Variants in ZNF208 observed in about 807,000 individuals in gnomAD.
ZNF208 encodes zinc finger protein 95.
Under a neutral mutation model 12.1 loss-of-function variants are expected in ZNF208, and 10 were observed. The observed-to-expected ratio is 0.83, with a 90% CI of 0.51 to 1.40. The LOEUF (loss-of-function observed/expected upper bound fraction) is 1.40. Ranked by LOEUF, ZNF208 falls within the 40% of genes most tolerant of loss-of-function variation. The pLI is 0.00. For synonymous variants in ZNF208, 497 were observed against 488.4 expected, an observed-to-expected ratio of 1.02 and a Z score of -0.23; for missense variants, 1,652 against 1,485.0, an observed-to-expected ratio of 1.11 and a Z score of -1.85.
At chr19:21,958,076 A>C (rs1912572) in intron 4 of ZNF208, among the ~76,000 whole-genome samples, 58,459 of 151,718 alleles carry the variant, frequency 0.39, 11,688 homozygotes, top group East Asian at 0.5. Context: ...ATGAGTGAGA[A>C]TATGCAGTTT....
At chr19:21,960,086 A>G (rs1045687913) in intron 4 of ZNF208, among the ~76,000 whole-genome samples, 3 of 152,172 alleles carry the variant, frequency 2.0e-5, no homozygotes, top group Non-Finnish European at 4.4e-5. Context: ...CAATTTAATC[A>G]GAAGCTTCTT....
intron 1 of ZNF208, among the ~76,000 whole-genome samples, chr19:21,994,738 A>G (rs1970799550): frequency 1.3e-5 from 2 of 152,144 alleles, no homozygotes; most frequent in Middle Eastern, 3.2e-3. Context: ...AGAAATACAA[A>G]TAATAATAAT....
At position 21,974,431 on chromosome 19, in the gene ZNF208, G is replaced by C. The variant is rs756810255; in HGVS notation, c.603C>G (p.Tyr201Ter). Residue 201 changes from tyrosine (Y) to a stop codon, truncating the protein, a stop_gained, in exon 4 of 4, where the codon TAC becomes TAG. Coordinates refer to ENST00000397126, the MANE Select transcript of ZNF208 (RefSeq NM_007153.3). LOFTEE classifies it low-confidence loss of function (END_TRUNC). ...HKRIYTRENS[Y>*]KCEEGGKAFN... is the part of the protein sequence containing the mutation. ...AAGCTTTGCCACCTTCTTCACATTT[G>C]TAGGAATTCTCTCTAGTATAAATTC... is the stretch of plus-strand genomic sequence containing the variant. The C allele has an allele frequency of 6.2e-7, 1 of 1,613,796 alleles. No individual in the cohort carries two copies. The highest frequency in any genetic ancestry group is 8.5e-7 in the Non-Finnish European group (1 of 1,179,816).
intron 4 of ZNF208, among the ~76,000 whole-genome samples, chr19:21,946,209 T>C (rs1969813647): frequency 6.6e-6 from 1 of 152,202 alleles, no homozygotes; most frequent in African/African-American, 2.4e-5. Flanking sequence ...AAATTATTAC[T>C]TTAGCCCTTG....
At chr19:21,955,004 G>A (rs1969949959) in intron 4 of ZNF208, among the ~76,000 whole-genome samples, 1 of 152,188 alleles carries the variant, frequency 6.6e-6, no homozygotes, top group South Asian at 2.1e-4. Flanking sequence ...GCTTCCTTCA[G>A]GAGCTCTTGT....
intron 4 of ZNF208, among the ~76,000 whole-genome samples, chr19:21,959,352 C>T (rs1488346794): frequency 6.6e-6 from 1 of 152,154 alleles, no homozygotes; most frequent in East Asian, 1.9e-4. Flanking sequence ...AGTCTCAATT[C>T]CCAACCTTAC....
chr19:21,946,414 TA>T (rs375528273), intron 4 of ZNF208, among the ~76,000 whole-genome samples: 150 of 152,322 alleles, frequency 9.8e-4, no homozygotes, highest in Middle Eastern at 6.8e-3. Context: ...TTCCAGTTTG[TA>T]AAAACCCTGG....
chr19:21,940,214 C>A (rs991873617), intron 4 of ZNF208: 4 of 152,054 alleles, frequency 2.6e-5, no homozygotes, highest in African/African-American at 9.7e-5. Flanking sequence ...TATGGCACAA[C>A]GTGTGTGCTC....
At position 21,973,778 on chromosome 19, in the gene ZNF208, T is replaced by A. The variant is rs1054022736; in HGVS notation, c.1256A>T (p.His419Leu). Residue 419 changes from histidine (H) to leucine (L), a missense_variant, in exon 4 of 4, where the codon CAT (histidine) becomes CTT (leucine). By Grantham distance (99) the His-to-Leu change is moderately conservative (BLOSUM62 -3). Coordinates refer to ENST00000397126, the MANE Select transcript of ZNF208 (RefSeq NM_007153.3). ...FSILTKHEVI[H>L]TGEKPYKCEE... is the part of the protein sequence containing the mutation. ...ACATTTGTAGGGTTTCTCTCCAGTA[T>A]GAATGACCTCATGTTTAGTAAGGAT... 5.6e-6 allele frequency: 9 copies of A among 1,606,162 alleles called. No individual in the cohort carries two copies. Among genetic ancestry groups the A allele is most frequent in the Non-Finnish European group, 7.7e-6 (9 of 1,173,760 alleles).
intron 1 of ZNF208, among the ~76,000 whole-genome samples, chr19:22,001,295 A>G (rs1185288407): frequency 2.0e-5 from 3 of 151,968 alleles, no homozygotes; most frequent in Non-Finnish European, 1.5e-5. Flanking sequence ...CAAAACAAAC[A>G]AACAAACAAA....
intron 4 of ZNF208, among the ~76,000 whole-genome samples, chr19:21,956,889 C>A (rs1969986898): frequency 6.6e-6 from 1 of 152,178 alleles, no homozygotes; most frequent in African/African-American, 2.4e-5. Flanking sequence ...GTTGAAAATG[C>A]AGAAATCACC....
chr19:21,971,810 T>C lies in ZNF208; in HGVS notation c.3224A>G (p.His1075Arg). The stretch of plus-strand genomic sequence containing the variant: ...TTCCTCTCCAGCATGAGTTGCCTTA[T>C]GTTCAGTAAGTCTTGAGGGCCAGCT... ...AFSWPSRLTE[H>R]KATHAGEEPY... Residue 1075 changes from histidine (H) to arginine (R), a missense_variant, in exon 4 of 4, where the codon CAT becomes CGT. His to Arg is a conservative substitution (Grantham distance 29). Coordinates refer to ENST00000397126, the MANE Select transcript of ZNF208 (RefSeq NM_007153.3). 7 of 1,613,884 alleles carry C rather than the reference T, an allele frequency of 4.3e-6. No homozygotes were observed. Among genetic ancestry groups the C allele is most frequent in the Non-Finnish European group, 5.1e-6 (6 of 1,179,900 alleles).
At position 22,002,385 on chromosome 19, in the gene ZNF208, A is replaced by G. The variant is rs1970969128; in HGVS notation, c.3+8407T>C. On this transcript the variant is annotated intron_variant, in intron 1 of 3. Coordinates refer to ENST00000397126, the MANE Select transcript of ZNF208 (RefSeq NM_007153.3). ...AGATAAAAATAAAAGGCATCCAAAC[A>G]TAAAGAGAGGAAGTCAAACTATCCT... Among the ~76,000 whole-genome samples, 9 of 152,348 alleles carry G rather than the reference A, an allele frequency of 5.9e-5. No individual in the cohort carries two copies. The South Asian group carries it at 1.9e-3, about 32-fold the overall frequency.
chr19:21,946,729 A>C (rs1969819856), intron 4 of ZNF208, among the ~76,000 whole-genome samples: 2 of 152,234 alleles, frequency 1.3e-5, no homozygotes, highest in South Asian at 4.2e-4. Context: ...TCTTGTCCTA[A>C]GTTTTTGTCT....
chr19:21,982,303 A>G (rs1970555422), intron 3 of ZNF208, among the ~76,000 whole-genome samples: 1 of 146,928 alleles, frequency 6.8e-6, no homozygotes, highest in African/African-American at 2.5e-5. Flanking sequence ...GCTTGCAGTG[A>G]GCTGAGATCG....
rs183811367 is a variant in ZNF208, at chr19:21,999,679, C to A, written c.4-10770G>T. The stretch of plus-strand genomic sequence containing the variant: ...TTAAAGACTAAAGACAAAAAAAAAA[C>A]CAATATTTTGCCAAGACAAAAAGAA... On this transcript the variant is annotated intron_variant, in intron 1 of 3. Coordinates refer to ENST00000397126, the MANE Select transcript of ZNF208 (RefSeq NM_007153.3). 2.1e-3 allele frequency among the ~76,000 whole-genome samples: 323 copies of A among 151,442 alleles called. 7 individuals are homozygous for A. The East Asian group carries it at 0.041, about 19-fold the overall frequency.
chr19:21,945,861 C>T (rs1473122869), intron 4 of ZNF208, among the ~76,000 whole-genome samples: 1 of 151,802 alleles, frequency 6.6e-6, no homozygotes, highest in African/African-American at 2.4e-5. Flanking sequence ...AGCCCCCAAC[C>T]CCCAGGTTAG....
intron 1 of ZNF208, among the ~76,000 whole-genome samples, chr19:21,992,728 G>A (rs550263114): frequency 5.5e-4 from 83 of 152,268 alleles, no homozygotes; most frequent in African/African-American, 1.8e-3. Context: ...AGAAGAAGCC[G>A]TAATATAGAG....
chr19:21,939,878 A>T (rs993448568), intron 4 of ZNF208: 2 of 152,272 alleles, frequency 1.3e-5, no homozygotes, highest in African/African-American at 4.8e-5. Context: ...TAAAATGAGA[A>T]ATCAGTTACA....
Sources: gnomAD v4.1 joint callset for allele counts (sites outside exome capture counted in the v4.1 genomes callset) on GRCh38, gnomAD v4.1.1 for gene constraint, MANE v1.5 for transcripts, NCBI Gene and HGNC (gene_info 2026-07-23, HGNC 2026-07-21) for gene names.